Variants in KCNJ16 observed in about 807,000 individuals in gnomAD.
KCNJ16 encodes potassium inwardly rectifying channel subfamily J member 16, also known as inward rectifier potassium channel 16.
KCNJ16 carries 15 observed loss-of-function variants against 18.5 expected under a neutral mutation model. The observed-to-expected ratio is 0.81, with a 90% confidence interval of 0.54 to 1.25. The LOEUF is 1.25. Among genes scored for constraint, KCNJ16 ranks in the 50% most tolerant of loss-of-function variants. The pLI is 0.00. For missense variants in KCNJ16, 523 were observed against 525.7 expected (o/e 0.99, Z 0.05); for synonymous variants, 174 against 186.5 (o/e 0.93, Z 0.55).
intron 1 of KCNJ16, among the ~76,000 whole-genome samples, chr17:70,090,963 C>T (rs1160557994): frequency 6.8e-6 from 1 of 147,002 alleles, no homozygotes; most frequent in Non-Finnish European, 1.5e-5. Flanking sequence ...AGTTTTGACT[C>T]AGCTTGATCT....
intron 2 of KCNJ16, among the ~76,000 whole-genome samples, chr17:70,106,195 G>A (rs1403674903): frequency 1.3e-5 from 2 of 152,086 alleles, no homozygotes; most frequent in African/African-American, 2.4e-5. Context: ...TGTCTCGTTG[G>A]CCTGACAAAT....
chr17:70,129,205 A>T (rs73382073), intron 2 of KCNJ16, among the ~76,000 whole-genome samples: 1,945 of 152,322 alleles, frequency 0.013, 47 homozygotes, highest in African/African-American at 0.043. Flanking sequence ...GGAACATTGC[A>T]AATGCTTTCT....
At chr17:70,092,210 T>C (rs1436001295) in intron 1 of KCNJ16, among the ~76,000 whole-genome samples, 1 of 152,180 alleles carries the variant, frequency 6.6e-6, no homozygotes, top group Admixed American at 6.5e-5. Flanking sequence ...TTTTCTACTT[T>C]TAGCCTGTAT....
rs1478581799 is a variant in KCNJ16 at position 70,100,694 on chromosome 17, G to C, written c.-263G>C. 1 of 152,172 alleles carries C rather than the reference G, an allele frequency of 6.6e-6. No individual in the cohort carries two copies. The highest frequency in any genetic ancestry group is 1.5e-5 in the Non-Finnish European group (1 of 68,024). 9.4% of individuals were successfully genotyped at this position (152,172 alleles called of 1,614,324 possible). A position where few individuals can be genotyped will look rare whatever the true frequency, so the allele number is the denominator to read the frequency against. Reference sequence around the variant, plus strand: ...GAGGCACAGAGTGTTAAAATAGTGAGACACAGGATTCTAACTGGCAGACTG... The same window carrying C: ...GAGGCACAGAGTGTTAAAATAGTGACACACAGGATTCTAACTGGCAGACTG... On this transcript the variant is annotated 5_prime_UTR_variant, in exon 2 of 4. Transcript: ENST00000392671.
intron 1 of KCNJ16, among the ~76,000 whole-genome samples, chr17:70,092,591 A>G (rs1335404547): frequency 2.6e-5 from 4 of 151,646 alleles, no homozygotes; most frequent in Non-Finnish European, 5.9e-5. Flanking sequence ...AGATAGATAG[A>G]TAGATAGATA....
chr17:70,092,911 A>C (rs1277663623), intron 1 of KCNJ16, among the ~76,000 whole-genome samples: 1 of 152,114 alleles, frequency 6.6e-6, no homozygotes, highest in East Asian at 1.9e-4. Flanking sequence ...GATGCCCCCC[A>C]CATTAGCGAG....
rs771150223 is a variant in KCNJ16 at position 70,132,346 on chromosome 17, A to AGAG, written c.259_260insGAG (p.Ile87delinsArgVal). On this transcript the variant is annotated protein_altering_variant, in exon 4 of 4. Coordinates refer to ENST00000392671, the MANE Select transcript of KCNJ16 (RefSeq NM_170741.4). ...TTTATCTTATATTCTCTCGTGGTTG[A>AGAG]TATTTGGCTCTGTCTTTTGGCTCAT... 4.5e-5 allele frequency: 73 copies of AGAG among 1,613,972 alleles called. No individual in the cohort carries two copies. The highest frequency in any genetic ancestry group is 6.2e-5 in the Non-Finnish European group (73 of 1,180,026).
intron 2 of KCNJ16, chr17:70,128,689 T>C (rs1337575860): frequency 1.3e-5 from 2 of 152,224 alleles, no homozygotes; most frequent in Admixed American, 1.3e-4. Flanking sequence ...AGCTTTGTAA[T>C]GATAGTTGAT....
At chr17:70,105,966 A>C (rs780178218) in intron 2 of KCNJ16, among the ~76,000 whole-genome samples, 1 of 152,186 alleles carries the variant, frequency 6.6e-6, no homozygotes, top group Non-Finnish European at 1.5e-5. Context: ...CTTTTAAAAA[A>C]TTTCCCATGA....
At chr17:70,114,738 G>T (rs2073332914) in intron 2 of KCNJ16, among the ~76,000 whole-genome samples, 1 of 152,090 alleles carries the variant, frequency 6.6e-6, no homozygotes, top group African/African-American at 2.4e-5. Context: ...TCTGAAACAA[G>T]TCTGGGAAAT....
intron 1 of KCNJ16, among the ~76,000 whole-genome samples, chr17:70,092,539 T>TAGATAC (rs67337513): frequency 2.9e-4 from 31 of 106,104 alleles, no homozygotes; most frequent in East Asian, 8.7e-4. Flanking sequence ...GACAGATAGA[T>TAGATAC]ATAGATAGAT....
At chr17:70,100,886 C>T (rs986121519) in intron 2 of KCNJ16, 120 bp downstream of exon 2, 10 of 152,288 alleles carry the variant, frequency 6.6e-5, no homozygotes, top group African/African-American at 2.4e-4. Flanking sequence ...TCTACTTATA[C>T]GTTTATATTT....
chr17:70,102,054 A>G (rs1277629705), intron 2 of KCNJ16: 1 of 152,014 alleles, frequency 6.6e-6, no homozygotes, highest in East Asian at 1.9e-4. Context: ...TGAATTATTC[A>G]TTTTCACCTG....
At chr17:70,123,964 T>C (rs569882750) in intron 2 of KCNJ16, among the ~76,000 whole-genome samples, 1 of 152,292 alleles carries the variant, frequency 6.6e-6, no homozygotes, top group African/African-American at 2.4e-5. Context: ...AAAATGCAGA[T>C]GCGTTCCTGT....
intron 3 of KCNJ16, chr17:70,131,220 A>C: frequency 1.3e-6 from 1 of 773,888 alleles, no homozygotes. Flanking sequence ...GAAAGAAAGA[A>C]AAGAAAAAAA....
chr17:70,092,543 GAT>G (rs2072152890), intron 1 of KCNJ16, among the ~76,000 whole-genome samples: 1 of 8,078 alleles, frequency 1.2e-4, no homozygotes, highest in Non-Finnish European at 3.0e-4. Flanking sequence ...GATAGATATA[GAT>G]AGATATAGAT....
intron 1 of KCNJ16, among the ~76,000 whole-genome samples, chr17:70,082,364 A>C (rs751918370): frequency 6.6e-5 from 10 of 152,126 alleles, no homozygotes; most frequent in Non-Finnish European, 1.2e-4. Context: ...TGACCTAGAG[A>C]GTAACTTAGA....
At chr17:70,130,844 G>T in intron 2 of KCNJ16, 35 bp from the exon 3 acceptor site, 1 of 897,928 alleles carries the variant, frequency 1.1e-6, no homozygotes, top group Non-Finnish European at 1.8e-6. Context: ...GTTAAAATTG[G>T]CTACAATACT....
intron 1 of KCNJ16, among the ~76,000 whole-genome samples, chr17:70,078,530 T>C (rs1350798641): frequency 6.6e-6 from 1 of 152,226 alleles, no homozygotes; most frequent in African/African-American, 2.4e-5. Flanking sequence ...TTATCTTTTT[T>C]ATTTTAAGAA....
Sources: allele counts gnomAD v4.1 joint callset (sites outside exome capture counted in the v4.1 genomes callset), GRCh38; gene constraint gnomAD v4.1.1; transcripts MANE v1.5; gene names NCBI Gene and HGNC (gene_info 2026-07-23, HGNC 2026-07-21).